DNASE1: variants seen among roughly 807,000 people sequenced by gnomAD.
DNASE1 encodes the protein deoxyribonuclease-1.
A neutral mutation model predicts 33.9 loss-of-function variants in DNASE1; 40 were observed. The ratio of observed to expected loss-of-function variants is 1.18; its 90% CI spans 0.92 to 1.54. DNASE1 has a LOEUF of 1.54. DNASE1 is among the 40% of genes most tolerant of loss of function. DNASE1 has a pLI of 0.00. For synonymous variants in DNASE1, 216 were observed against 160.0 expected (o/e 1.35, Z -2.64); for missense variants, 518 against 372.6 (o/e 1.39, Z -3.21).
chr16:3,659,096 A>AT (rs2042911762), downstream of DNASE1: 1 of 515,514 alleles, frequency 1.9e-6, no homozygotes, highest in East Asian at 3.3e-5. Context: ...AAACTCCAAG[A>AT]TTAATATACA....
chr16:3,658,362 G>C, downstream of DNASE1: 1 of 717,626 alleles, frequency 1.4e-6, no homozygotes, highest in Admixed American at 2.6e-5. Context: ...GCAACCTCAG[G>C]TGATCCCCCC....
chr16:3,655,568 T>C, intron 2 of DNASE1, 48 bp downstream of exon 2: 6 of 1,612,872 alleles, frequency 3.7e-6, no homozygotes, highest in African/African-American at 1.3e-5. Context: ...CTCTGGAGTC[T>C]AGGGCTGGTG....
At chr16:3,615,414 G>C (rs1422956873) in intron 1 of DNASE1, among the ~76,000 whole-genome samples, 4 of 152,154 alleles carry the variant, frequency 2.6e-5, no homozygotes, top group Admixed American at 6.5e-5. Flanking sequence ...AAGCCCTGGG[G>C]TTCATGCTGT....
intron 1 of DNASE1, among the ~76,000 whole-genome samples, chr16:3,624,919 C>T (rs567098299): frequency 1.2e-4 from 19 of 152,208 alleles, no homozygotes; most frequent in Non-Finnish European, 2.6e-4. Flanking sequence ...AGGCTCGTCT[C>T]GAACTGGGCT....
At chr16:3,644,888 G>A (rs2151196623) in intron 1 of DNASE1, among the ~76,000 whole-genome samples, 1 of 152,224 alleles carries the variant, frequency 6.6e-6, no homozygotes, top group Admixed American at 6.5e-5. Flanking sequence ...CAGCACTTTG[G>A]GAGGCCAAGG....
At chr16:3,616,762 C>T (rs2041118210) in intron 1 of DNASE1, among the ~76,000 whole-genome samples, 1 of 152,152 alleles carries the variant, frequency 6.6e-6, no homozygotes, top group Non-Finnish European at 1.5e-5. Flanking sequence ...CTATAGTAAT[C>T]AAGACTGTGT....
upstream of DNASE1, among the ~76,000 whole-genome samples, chr16:3,638,629 C>T (rs547258743): frequency 2.1e-4 from 32 of 152,316 alleles, no homozygotes; most frequent in East Asian, 5.8e-4. Context: ...TGAGCCACCA[C>T]GCCCGGCCTC....
In DNASE1 at chr16:3,657,723, C is replaced by A. The variant is rs201517407; in HGVS notation, c.708C>A (p.Ile236=). ...TTCTCTTCCCAACACCCATCAGGAT[C>A]GTGGTTGCAGGGATGCTGCTCCGAG... is the stretch of plus-strand genomic sequence containing the variant. ...ATPTHCAYDR[I]VVAGMLLRGA... Residue 236 remains isoleucine, a synonymous_variant, in exon 8 of 9, where the codon ATC becomes ATA. Coordinates refer to ENST00000246949, the MANE Select transcript of DNASE1 (RefSeq NM_005223.4). The A allele has an allele frequency of 6.2e-7, 1 of 1,614,026 alleles. No homozygotes were observed. Among genetic ancestry groups the A allele is most frequent in the Middle Eastern group, 1.7e-4 (1 of 6,050 alleles).
chr16:3,656,381 C>T (rs1055546416), intron 4 of DNASE1, among the ~76,000 whole-genome samples, 196 bp downstream of exon 4: 2 of 148,760 alleles, frequency 1.3e-5, no homozygotes, highest in African/African-American at 2.5e-5. Context: ...GCCCTCCTGT[C>T]GCCTGGGTCC....
chr16:3,655,662 T>C, intron 2 of DNASE1, 142 bp downstream of exon 2: 2 of 1,454,460 alleles, frequency 1.4e-6, no homozygotes, highest in African/African-American at 2.8e-5. Context: ...AACAGGCTCT[T>C]GGCTGTGGAC....
intron 1 of DNASE1, among the ~76,000 whole-genome samples, chr16:3,617,482 G>A (rs991991919): frequency 2.0e-5 from 3 of 152,008 alleles, no homozygotes; most frequent in East Asian, 1.9e-4. Flanking sequence ...TTGTGTAAAA[G>A]TATACTATCA....
intron 8 of DNASE1, 35 bp from the exon 9 acceptor site, chr16:3,657,871 G>A (rs1319947372): frequency 2.5e-6 from 4 of 1,613,978 alleles, no homozygotes; most frequent in South Asian, 1.1e-5. Context: ...AGCTCAGGTA[G>A]GCTCAGCCCA....
intron 1 of DNASE1, among the ~76,000 whole-genome samples, chr16:3,612,555 T>G (rs1381811835): frequency 6.9e-6 from 1 of 144,588 alleles, no homozygotes; most frequent in Non-Finnish European, 1.5e-5. Context: ...ACGGCTTTTT[T>G]TTTTTTTTTT....
chr16:3,639,119 G>A (rs991043861), upstream of DNASE1, among the ~76,000 whole-genome samples: 1 of 152,148 alleles, frequency 6.6e-6, no homozygotes, highest in Non-Finnish European at 1.5e-5. Context: ...TTTCTTGCAT[G>A]TCTGTTATAG....
At chr16:3,630,167 T>C (rs1940589586) in intron 1 of DNASE1, among the ~76,000 whole-genome samples, 2 of 151,940 alleles carry the variant, frequency 1.3e-5, no homozygotes, top group Admixed American at 1.3e-4. Flanking sequence ...GTTGTTGTTT[T>C]GTTTTTTGTT....
upstream of DNASE1, chr16:3,651,335 A>C (rs976591102): frequency 3.3e-5 from 5 of 152,228 alleles, no homozygotes; most frequent in African/African-American, 1.2e-4. Context: ...TAACCTGAGA[A>C]GGCTGCAGAT....
At chr16:3,647,507 C>G (rs535263412) in intron 1 of DNASE1, among the ~76,000 whole-genome samples, 98 of 152,234 alleles carry the variant, frequency 6.4e-4, no homozygotes, top group African/African-American at 2.2e-3. Context: ...CTTCTAAGCT[C>G]TAGCAGTCCT....
chr16:3,617,240 C>T (rs889329210), intron 1 of DNASE1, among the ~76,000 whole-genome samples: 3 of 144,904 alleles, frequency 2.1e-5, no homozygotes, highest in South Asian at 2.2e-4. Context: ...GCAGGAGAAT[C>T]GCTTGAACCC....
Position 3,663,476 on chromosome 16 carries a change from C to T in DNASE1, c.*5523C>T, listed in dbSNP as rs762072656. The T allele has an allele frequency of 8.7e-6, 14 of 1,614,160 alleles. No homozygotes were observed. Among genetic ancestry groups the T allele is most frequent in the East Asian group, 2.2e-5 (1 of 44,874 alleles). ...CCTTGTAGTGATCCACGACTATGTCCGTCTCCACAGAGATCAGCTTCTTCT... is the reference window on the plus strand; with the variant it reads ...CCTTGTAGTGATCCACGACTATGTCTGTCTCCACAGAGATCAGCTTCTTCT... On this transcript the variant is annotated 3_prime_UTR_variant, in exon 10 of 10. Transcript: ENST00000407479.
Sources: gnomAD v4.1 joint callset for allele counts (sites outside exome capture counted in the v4.1 genomes callset) on GRCh38, gnomAD v4.1.1 for gene constraint, MANE v1.5 for transcripts, NCBI Gene and HGNC (gene_info 2026-07-23, HGNC 2026-07-21) for gene names.